GLIS3: variants seen among roughly 807,000 people sequenced by gnomAD.
GLIS3 encodes zinc finger protein GLIS3.
A neutral mutation model predicts 78.6 loss-of-function variants in GLIS3; 53 were observed. That is an observed-to-expected ratio of 0.67 (90% CI 0.54 to 0.85). GLIS3 has a LOEUF of 0.85. Ranked by LOEUF, GLIS3 falls within the 40% of genes least tolerant of loss-of-function variation. The pLI, the probability that GLIS3 is intolerant of heterozygous loss-of-function variation, is 0.00. For missense variants in GLIS3, 1,703 were observed against 1,231.1 expected, an observed-to-expected ratio of 1.38 and a Z score of -5.74; for synonymous variants, 684 against 509.9, an observed-to-expected ratio of 1.34 and a Z score of -4.60.
intron 2 of GLIS3, among the ~76,000 whole-genome samples, chr9:4,140,298 T>C (rs1268071424): frequency 6.6e-6 from 1 of 152,172 alleles, no homozygotes; most frequent in Non-Finnish European, 1.5e-5. Context: ...CACTCCAGCC[T>C]GGGTGACAAA....
At chr9:3,925,763 A>G (rs1386788723) in intron 6 of GLIS3, among the ~76,000 whole-genome samples, 1 of 152,236 alleles carries the variant, frequency 6.6e-6, no homozygotes, top group Non-Finnish European at 1.5e-5. Context: ...AAAAGTACAT[A>G]AGCTCACATT....
intron 4 of GLIS3, among the ~76,000 whole-genome samples, chr9:4,093,435 G>T (rs1829689467): frequency 6.6e-6 from 1 of 152,176 alleles, no homozygotes; most frequent in African/African-American, 2.4e-5. Flanking sequence ...CAGAGACTCG[G>T]TACTTCCTCC....
chr9:4,429,912 G>T, the GLIS3 span, among the ~76,000 whole-genome samples: 2 of 152,034 alleles, frequency 1.3e-5, no homozygotes, highest in Non-Finnish European at 2.9e-5. Context: ...TTTGTTTTAG[G>T]CATTTTATAA....
At position 4,027,594 on chromosome 9, in the gene GLIS3, A is replaced by G. The variant is rs149650684; in HGVS notation, c.1710+90174T>C. On this transcript the variant is annotated intron_variant, in intron 4 of 10. Transcript: ENST00000381971. ...TTTAAATCTGAGCCTGGAACATGCTATATTTTGTTTCTAGCTGCAAGAGTG... is the reference window on the plus strand; with the variant it reads ...TTTAAATCTGAGCCTGGAACATGCTGTATTTTGTTTCTAGCTGCAAGAGTG... 2.3e-3 allele frequency among the ~76,000 whole-genome samples: 353 copies of G among 152,278 alleles called. 2 individuals are homozygous for G. The highest frequency in any genetic ancestry group is 7.9e-3 in the African/African-American group (330 of 41,562).
At chr9:4,182,107 G>A (rs1447627519) in intron 2 of GLIS3, among the ~76,000 whole-genome samples, 1 of 152,186 alleles carries the variant, frequency 6.6e-6, no homozygotes, top group African/African-American at 2.4e-5. Flanking sequence ...GAGAAGACAA[G>A]CAAAGAATAA....
chr9:3,863,650 G>A (rs1820379967), intron 8 of GLIS3, among the ~76,000 whole-genome samples: 1 of 152,212 alleles, frequency 6.6e-6, no homozygotes, highest in Admixed American at 6.5e-5. Flanking sequence ...TGTGAAGTTG[G>A]CTGTAGGTGA....
At chr9:4,184,287 T>G (rs1255665346) in intron 2 of GLIS3, among the ~76,000 whole-genome samples, 3 of 152,190 alleles carry the variant, frequency 2.0e-5, no homozygotes, top group African/African-American at 4.8e-5. Flanking sequence ...TGTCTTTGCA[T>G]GAAGATATGT....
intron 2 of GLIS3, among the ~76,000 whole-genome samples, chr9:4,148,692 G>T (rs537313298): frequency 2.3e-4 from 35 of 152,194 alleles, no homozygotes; most frequent in Non-Finnish European, 4.3e-4. Flanking sequence ...CATACCTGTA[G>T]CAAGTTTTAG....
intron 6 of GLIS3, among the ~76,000 whole-genome samples, chr9:3,917,361 C>T (rs570959319): frequency 6.6e-6 from 1 of 152,164 alleles, no homozygotes; most frequent in East Asian, 1.9e-4. Flanking sequence ...GTTAGGCACC[C>T]AGAAGAAAGG....
At chr9:4,061,442 T>C (rs1242118523) in intron 4 of GLIS3, among the ~76,000 whole-genome samples, 1 of 152,082 alleles carries the variant, frequency 6.6e-6, no homozygotes, top group Non-Finnish European at 1.5e-5. Flanking sequence ...ATGTGCCACA[T>C]TTTCTTAATC....
chr9:3,937,615 C>A (rs1335685518), intron 4 of GLIS3, among the ~76,000 whole-genome samples: 1 of 151,864 alleles, frequency 6.6e-6, no homozygotes, highest in Non-Finnish European at 1.5e-5. Context: ...AAAAAAAAGT[C>A]AGAGTGATAT....
At chr9:4,149,863 GATA>G (rs1239130573) in intron 2 of GLIS3, among the ~76,000 whole-genome samples, 1 of 152,214 alleles carries the variant, frequency 6.6e-6, no homozygotes, top group African/African-American at 2.4e-5. Flanking sequence ...TGACGATGAT[GATA>G]ATGATGGTGA....
intron 2 of GLIS3, among the ~76,000 whole-genome samples, chr9:4,182,492 A>T (rs1309615593): frequency 2.0e-5 from 3 of 152,238 alleles, no homozygotes; most frequent in African/African-American, 7.2e-5. Context: ...ATCATCAGTG[A>T]CAGTATAGGG....
intron 1 of GLIS3, among the ~76,000 whole-genome samples, chr9:4,292,588 G>A (rs561137711): frequency 2.0e-5 from 3 of 152,136 alleles, no homozygotes; most frequent in Admixed American, 6.5e-5. Context: ...TTTATAAAAC[G>A]TAAGGATTCA....
chr9:3,843,587 A>T (rs1818853699), intron 9 of GLIS3, among the ~76,000 whole-genome samples: 2 of 152,196 alleles, frequency 1.3e-5, no homozygotes, highest in Non-Finnish European at 2.9e-5. Context: ...ACAAGTATTT[A>T]TTGGGCAATT....
At chr9:4,322,330 A>C (rs1190428343) in intron 2 of GLIS3, among the ~76,000 whole-genome samples, 1 of 152,204 alleles carries the variant, frequency 6.6e-6, no homozygotes, top group Non-Finnish European at 1.5e-5. Context: ...ATAGTGCCAC[A>C]ATAAACATAT....
chr9:4,181,320 T>C (rs1020294924), intron 2 of GLIS3, among the ~76,000 whole-genome samples: 13 of 152,190 alleles, frequency 8.5e-5, no homozygotes, highest in Admixed American at 7.9e-4. Context: ...ACAGGAACCA[T>C]CCTCAGACCC....
chr9:4,134,001 G>A (rs570695383), intron 2 of GLIS3, among the ~76,000 whole-genome samples: 2 of 152,050 alleles, frequency 1.3e-5, no homozygotes, highest in Admixed American at 1.3e-4. Context: ...AGGTGTCAGG[G>A]ACTAGCAAAA....
intron 6 of GLIS3, among the ~76,000 whole-genome samples, chr9:3,906,213 T>C (rs1823687660): frequency 6.6e-6 from 1 of 152,190 alleles, no homozygotes; most frequent in South Asian, 2.1e-4. Flanking sequence ...ACTGGAAGTG[T>C]GTAAGCAGGA....
Sources: gnomAD v4.1 joint callset for allele counts (sites outside exome capture counted in the v4.1 genomes callset) on GRCh38, gnomAD v4.1.1 for gene constraint, MANE v1.5 for transcripts, NCBI Gene and HGNC (gene_info 2026-07-23, HGNC 2026-07-21) for gene names.